The following SSH2 variants were observed in gnomAD, a reference collection of about 807,000 sequenced individuals.
The protein encoded by SSH2 is protein phosphatase Slingshot homolog 2.
Under a neutral mutation model 135.2 loss-of-function variants are expected in SSH2, and 37 were observed. The ratio of observed to expected loss-of-function variants is 0.27; its 90% CI spans 0.21 to 0.36. The LOEUF (loss-of-function observed/expected upper bound fraction) is 0.36, where lower values mean the gene tolerates loss of function less well. Ranked by LOEUF, SSH2 falls within the 10% of genes least tolerant of loss-of-function variation. SSH2 has a pLI of 1.00. For missense variants in SSH2, 1,408 were observed against 1,765.3 expected (o/e 0.80, Z 3.63); for synonymous variants, 628 against 646.2 (o/e 0.97, Z 0.43).
At chr17:29,855,349 C>T (rs1194602558) in intron 1 of SSH2, among the ~76,000 whole-genome samples, 1 of 151,810 alleles carries the variant, frequency 6.6e-6, no homozygotes, top group East Asian at 1.9e-4. Context: ...ACTAAAAATA[C>T]AAAAAATTAG....
intron 5 of SSH2, among the ~76,000 whole-genome samples, chr17:29,688,283 A>G (rs1453671360): frequency 6.6e-6 from 1 of 152,024 alleles, no homozygotes; most frequent in Non-Finnish European, 1.5e-5. Flanking sequence ...TGCTGGGATT[A>G]CAGGTGCGAG....
intron 1 of SSH2, among the ~76,000 whole-genome samples, chr17:29,924,323 CAAT>C (rs1179488156): frequency 6.6e-6 from 1 of 152,100 alleles, no homozygotes; most frequent in Non-Finnish European, 1.5e-5. Flanking sequence ...ACATATAACT[CAAT>C]AATATTCATT....
At chr17:29,728,638 A>G (rs2040079864) in intron 3 of SSH2, among the ~76,000 whole-genome samples, 1 of 152,210 alleles carries the variant, frequency 6.6e-6, no homozygotes, top group Admixed American at 6.5e-5. Flanking sequence ...ACATTGTCTG[A>G]CTTCAAATTA....
At chr17:29,788,648 C>T (rs1290455821) in intron 3 of SSH2, among the ~76,000 whole-genome samples, 1 of 151,788 alleles carries the variant, frequency 6.6e-6, no homozygotes, top group Non-Finnish European at 1.5e-5. Context: ...TCCTCCCTCC[C>T]TCTCTCCCTC....
At chr17:29,840,995 T>G (rs2043031351) in intron 2 of SSH2, among the ~76,000 whole-genome samples, 1 of 152,214 alleles carries the variant, frequency 6.6e-6, no homozygotes, top group South Asian at 2.1e-4. Flanking sequence ...TCTGAAAGTC[T>G]GAGAGAGCCC....
rs1567933201 is a variant in SSH2 at position 29,738,565 on chromosome 17, T to TTTTA, written c.189-35504_189-35503insTAAA. Among the ~76,000 whole-genome samples the TTTTA allele has an allele frequency of 7.4e-3, 1,118 of 150,974 alleles. 13 individuals are homozygous for TTTTA. The highest frequency in any genetic ancestry group is 0.022 in the African/African-American group (918 of 41,276). On this transcript the variant is annotated intron_variant, in intron 3 of 15. Transcript: ENST00000540801. ...TTTCTTTTTTATTTTATTTTATTTTTTTTTTTGAGACGGAGTCTCGCTCTG... is the reference window on the plus strand; with the variant it reads ...TTTCTTTTTTATTTTATTTTATTTTTTTTATTTTTTGAGACGGAGTCTCGCTCTG...
intron 3 of SSH2, among the ~76,000 whole-genome samples, chr17:29,766,162 T>C (rs901608607): frequency 1.3e-5 from 2 of 152,130 alleles, no homozygotes; most frequent in Non-Finnish European, 2.9e-5. Flanking sequence ...GTATTTGTTT[T>C]CTTTCATTAC....
intron 3 of SSH2, among the ~76,000 whole-genome samples, chr17:29,755,165 A>T (rs2041074047): frequency 6.6e-6 from 1 of 152,220 alleles, no homozygotes; most frequent in Non-Finnish European, 1.5e-5. Flanking sequence ...TCAGAAGTTC[A>T]GCTTTTTGTT....
chr17:29,686,121 T>C (rs1182456088), intron 5 of SSH2, among the ~76,000 whole-genome samples: 1 of 152,028 alleles, frequency 6.6e-6, no homozygotes. Flanking sequence ...ATGCTGGGGT[T>C]TACAGGCGTG....
chr17:29,895,237 T>C (rs2066426163), intron 1 of SSH2, among the ~76,000 whole-genome samples: 2 of 140,722 alleles, frequency 1.4e-5, no homozygotes, highest in African/African-American at 5.2e-5. Context: ...ACATTTTATA[T>C]ATACATTATA....
At chr17:29,737,631 C>G (rs2040415178) in intron 3 of SSH2, among the ~76,000 whole-genome samples, 1 of 152,194 alleles carries the variant, frequency 6.6e-6, no homozygotes, top group Non-Finnish European at 1.5e-5. Context: ...GTCATTTAAT[C>G]TCTTTGAACC....
chr17:29,728,149 G>GA (rs2040062227), intron 3 of SSH2, among the ~76,000 whole-genome samples: 1 of 152,020 alleles, frequency 6.6e-6, no homozygotes, highest in African/African-American at 2.4e-5. Context: ...TCTCACATTT[G>GA]AAAAAAACCT....
intron 3 of SSH2, among the ~76,000 whole-genome samples, chr17:29,760,114 G>A (rs943276044): frequency 2.0e-5 from 3 of 152,136 alleles, no homozygotes; most frequent in African/African-American, 7.2e-5. Context: ...TAGGATAGGA[G>A]GGCAAACCAT....
chr17:29,909,392 A>AAT (rs2066724208), intron 1 of SSH2, among the ~76,000 whole-genome samples: 1 of 152,194 alleles, frequency 6.6e-6, no homozygotes, highest in African/African-American at 2.4e-5. Context: ...TTAAAAAAAA[A>AAT]ATAAGGCTCA....
intron 1 of SSH2, among the ~76,000 whole-genome samples, chr17:29,894,453 T>A (rs879842689): frequency 2.6e-5 from 4 of 152,128 alleles, no homozygotes; most frequent in Non-Finnish European, 4.4e-5. Flanking sequence ...AGTATTTGCA[T>A]ATAAGCTATG....
chr17:29,906,236 T>C (rs2066651706), intron 1 of SSH2, among the ~76,000 whole-genome samples: 1 of 151,914 alleles, frequency 6.6e-6, no homozygotes, highest in African/African-American at 2.4e-5. Flanking sequence ...CATCTGAACT[T>C]AACCTGACAA....
In SSH2 at chr17:29,854,000, A is replaced by G. The variant is rs866508739; in HGVS notation, c.64-5071T>C. Among the ~76,000 whole-genome samples, 8 of 151,888 alleles carry G rather than the reference A, an allele frequency of 5.3e-5. No individual in the cohort carries two copies. The South Asian group carries it at 1.7e-3, about 31-fold the overall frequency. The stretch of plus-strand genomic sequence containing the variant: ...GAATAACTTAGCTTCTGATGTTGCC[A>G]CTATTACTGCTGCTTCTAATAATAA... On this transcript the variant is annotated intron_variant, in intron 1 of 15. Coordinates refer to ENST00000540801, the MANE Select transcript of SSH2 (RefSeq NM_001282129.2).
chr17:29,689,426 C>G (rs1283272613), intron 5 of SSH2, among the ~76,000 whole-genome samples: 1 of 152,156 alleles, frequency 6.6e-6, no homozygotes, highest in African/African-American at 2.4e-5. Flanking sequence ...ATATTGAAAT[C>G]AATGACTGGA....
chr17:29,661,105 C>G (rs1488540854), intron 11 of SSH2, among the ~76,000 whole-genome samples: 2 of 150,248 alleles, frequency 1.3e-5, no homozygotes, highest in South Asian at 2.1e-4. Context: ...CTCATTTTCT[C>G]TATTTCCTCA....
Sources: allele counts gnomAD v4.1 joint callset (sites outside exome capture counted in the v4.1 genomes callset), GRCh38; gene constraint gnomAD v4.1.1; transcripts MANE v1.5; gene names NCBI Gene and HGNC (gene_info 2026-07-23, HGNC 2026-07-21).